The following PTPRT variants were observed in gnomAD, a reference collection of about 807,000 sequenced individuals.
The protein encoded by PTPRT is protein tyrosine phosphatase receptor type T.
In PTPRT, 56 loss-of-function variants were observed where a neutral mutation model predicts 176.8. The ratio of observed to expected loss-of-function variants is 0.32; its 90% CI spans 0.26 to 0.40. The LOEUF (loss-of-function observed/expected upper bound fraction) is 0.40. Ranked by LOEUF, PTPRT falls within the 10% of genes least tolerant of loss-of-function variation. The probability of loss-of-function intolerance (pLI) is 1.00; values close to 1 mark genes in which losing one functional copy is unlikely to be tolerated. For synonymous variants in PTPRT, 783 were observed against 739.0 expected (o/e 1.06, Z -0.96); for missense variants, 1,540 against 1,908.2 (o/e 0.81, Z 3.60).
chr20:42,456,908 C>T (rs1040798020), intron 8 of PTPRT, among the ~76,000 whole-genome samples: 16 of 152,146 alleles, frequency 1.1e-4, no homozygotes, highest in African/African-American at 3.9e-4. Context: ...ACTGATTGCA[C>T]TTGTGAAGTC....
At chr20:42,583,627 G>GAC (rs1287246869) in intron 7 of PTPRT, among the ~76,000 whole-genome samples, 1 of 151,928 alleles carries the variant, frequency 6.6e-6, no homozygotes, top group Non-Finnish European at 1.5e-5. Flanking sequence ...CACATACATG[G>GAC]ACACACACAG....
chr20:42,975,126 T>TA (rs1156394427), intron 1 of PTPRT, among the ~76,000 whole-genome samples: 2 of 152,158 alleles, frequency 1.3e-5, no homozygotes, highest in African/African-American at 2.4e-5. Flanking sequence ...GACAAGAGAT[T>TA]AAAAAAAATC....
chr20:42,070,937 C>T (rs756603368), downstream of PTPRT, among the ~76,000 whole-genome samples: 3 of 152,020 alleles, frequency 2.0e-5, no homozygotes, highest in Admixed American at 1.3e-4. Context: ...TCTCCAGTGT[C>T]GTATTACATT....
At chr20:43,047,516 A>C (rs528290123) in intron 1 of PTPRT, among the ~76,000 whole-genome samples, 24 of 152,250 alleles carry the variant, frequency 1.6e-4, no homozygotes, top group South Asian at 8.3e-4. Context: ...CAGGAAAATA[A>C]AGTTCAGGGA....
intron 23 of PTPRT, among the ~76,000 whole-genome samples, chr20:42,109,034 G>GAT (rs1986777684): frequency 6.6e-6 from 1 of 152,050 alleles, no homozygotes; most frequent in African/African-American, 2.4e-5. Flanking sequence ...TGATTGCTAT[G>GAT]AGATATAAAG....
At chr20:42,388,766 C>T (rs543406359) in intron 9 of PTPRT, among the ~76,000 whole-genome samples, 1 of 152,204 alleles carries the variant, frequency 6.6e-6, no homozygotes, top group Non-Finnish European at 1.5e-5. Context: ...CCAGCCATCC[C>T]ATTACTGGGT....
chr20:42,878,948 G>A (rs1289115148), intron 2 of PTPRT, among the ~76,000 whole-genome samples: 2 of 152,278 alleles, frequency 1.3e-5, no homozygotes, highest in East Asian at 3.9e-4. Context: ...AGAATGGCGT[G>A]AATCTGGGAG....
At position 43,177,658 on chromosome 20, in the gene PTPRT, A is replaced by G. The variant is rs186910919; in HGVS notation, c.88+11988T>C. On this transcript the variant is annotated intron_variant, in intron 1 of 30. Transcript: ENST00000373187. ...AACTCTCAGGCAGAACAATTGCAAT[A>G]CAGAGAGATTTACACAAAGACATTT... Among the ~76,000 whole-genome samples the G allele has an allele frequency of 3.3e-5, 5 of 152,330 alleles. No individual in the cohort carries two copies. The South Asian group carries it at 8.3e-4, about 25-fold the overall frequency.
At chr20:42,806,213 C>T (rs1200302309) in intron 2 of PTPRT, among the ~76,000 whole-genome samples, 1 of 151,940 alleles carries the variant, frequency 6.6e-6, no homozygotes, top group East Asian at 1.9e-4. Flanking sequence ...TGGCCAGGTG[C>T]GGTAGCTCAC....
intron 2 of PTPRT, among the ~76,000 whole-genome samples, chr20:42,857,218 G>A (rs1271182439): frequency 6.6e-6 from 1 of 152,126 alleles, no homozygotes; most frequent in African/African-American, 2.4e-5. Context: ...TCTCTAAAGA[G>A]TAGGGGTTAG....
chr20:43,173,546 T>C (rs1050658013), intron 1 of PTPRT, among the ~76,000 whole-genome samples: 31 of 152,230 alleles, frequency 2.0e-4, no homozygotes, highest in African/African-American at 7.2e-4. Flanking sequence ...GGTTGTCCTG[T>C]GGAGAAAGTA....
intron 15 of PTPRT, among the ~76,000 whole-genome samples, chr20:42,234,386 C>A (rs1238797324): frequency 6.6e-6 from 1 of 152,200 alleles, no homozygotes; most frequent in Non-Finnish European, 1.5e-5. Context: ...GGACATGAGC[C>A]CAGAGCTGCG....
intron 1 of PTPRT, among the ~76,000 whole-genome samples, chr20:42,926,082 C>T (rs1282375283): frequency 6.6e-6 from 1 of 152,222 alleles, no homozygotes; most frequent in Non-Finnish European, 1.5e-5. Flanking sequence ...TGCCCACTGA[C>T]TCGGGGCTGC....
chr20:42,838,581 T>C (rs1200762905), intron 2 of PTPRT, among the ~76,000 whole-genome samples: 1 of 152,154 alleles, frequency 6.6e-6, no homozygotes, highest in Non-Finnish European at 1.5e-5. Flanking sequence ...TGCTCTGTGA[T>C]CCCACCATTA....
At chr20:42,935,877 G>A (rs1422665261) in intron 1 of PTPRT, among the ~76,000 whole-genome samples, 1 of 152,152 alleles carries the variant, frequency 6.6e-6, no homozygotes, top group Non-Finnish European at 1.5e-5. Flanking sequence ...AGCCTCCCGA[G>A]TAGCTGGGAT....
chr20:42,848,313 T>C (rs973720997), intron 2 of PTPRT, among the ~76,000 whole-genome samples: 1 of 152,258 alleles, frequency 6.6e-6, no homozygotes, highest in Non-Finnish European at 1.5e-5. Flanking sequence ...TTTTGTATAA[T>C]CACTTCTTTT....
intron 1 of PTPRT, among the ~76,000 whole-genome samples, chr20:42,930,021 C>T (rs375345033): frequency 5.3e-5 from 8 of 152,160 alleles, no homozygotes; most frequent in South Asian, 2.1e-4. Flanking sequence ...TGGCTGTAGG[C>T]GGCTGCCATT....
In PTPRT at chr20:42,474,805, G is replaced by A. The variant is rs62204913; in HGVS notation, c.1154-2243C>T. On this transcript the variant is annotated intron_variant, in intron 7 of 30. Coordinates refer to ENST00000373187, the MANE Select transcript of PTPRT (RefSeq NM_007050.6). ...ATCCCCATCAGCGTTGCCTAGCTGGGGCCTGTCCACTTGTCCAGGTGCCAG... is the reference window on the plus strand; with the variant it reads ...ATCCCCATCAGCGTTGCCTAGCTGGAGCCTGTCCACTTGTCCAGGTGCCAG... 3.7e-3 allele frequency among the ~76,000 whole-genome samples: 569 copies of A among 152,202 alleles called. 3 individuals are homozygous for A. The highest frequency in any genetic ancestry group is 0.024 in the Middle Eastern group (7 of 294).
chr20:42,318,998 G>A (rs1275584196), intron 11 of PTPRT, among the ~76,000 whole-genome samples: 1 of 152,052 alleles, frequency 6.6e-6, no homozygotes, highest in Non-Finnish European at 1.5e-5. Context: ...AAGAAGATGG[G>A]TTCTCACTGG....
Sources: gnomAD v4.1 joint callset for allele counts (sites outside exome capture counted in the v4.1 genomes callset) on GRCh38, gnomAD v4.1.1 for gene constraint, MANE v1.5 for transcripts, NCBI Gene and HGNC (gene_info 2026-07-23, HGNC 2026-07-21) for gene names.